Variants in PLXNB2 observed in about 807,000 individuals in gnomAD.
PLXNB2 encodes plexin-B2.
PLXNB2 carries 85 observed loss-of-function variants against 202.6 expected under a neutral mutation model. That is an observed-to-expected ratio of 0.42 (90% CI 0.35 to 0.50). The LOEUF is 0.50. Ranked by LOEUF, PLXNB2 falls within the 20% of genes least tolerant of loss-of-function variation. The probability of loss-of-function intolerance (pLI) is 0.02; values close to 1 mark genes in which losing one functional copy is unlikely to be tolerated. For missense variants in PLXNB2, 2,063 were observed against 2,586.2 expected, an observed-to-expected ratio of 0.80 and a Z score of 4.39; for synonymous variants, 1,239 against 1,137.6, an observed-to-expected ratio of 1.09 and a Z score of -1.79.
Position 50,290,363 on chromosome 22 carries a change from G to C in PLXNB2, c.222C>G (p.Asp74Glu), listed in dbSNP as rs1413731587. ...EQQVATGPAL[D>E]NKKCTPPIEA... ...CGATGGGCGGCGTGCACTTCTTGTTGTCCAGGGCCGGGCCCGTGGCCACCT... is the reference window on the plus strand; with the variant it reads ...CGATGGGCGGCGTGCACTTCTTGTTCTCCAGGGCCGGGCCCGTGGCCACCT... The change falls in exon 3 of 37, where the codon GAC (aspartate) becomes GAG (glutamate). Residue 74 changes from aspartate (D) to glutamate (E), a missense_variant. Coordinates refer to ENST00000359337, the MANE Select transcript of PLXNB2 (RefSeq NM_012401.4). The C allele has an allele frequency of 3.7e-6, 6 of 1,612,690 alleles. No individual in the cohort carries two copies. The highest frequency in any genetic ancestry group is 5.1e-6 in the Non-Finnish European group (6 of 1,180,000).
At position 50,287,676 on chromosome 22, in the gene PLXNB2, G is replaced by A; in HGVS notation, c.1599C>T (p.Ala533=). The A allele has an allele frequency of 1.9e-6, 3 of 1,543,098 alleles. No homozygotes were observed. The highest frequency in any genetic ancestry group is 2.6e-6 in the Non-Finnish European group (3 of 1,148,692). Reference sequence around the variant, plus strand: ...CAGACCCACCACGCACCTCCCCCTGGGCCCGCCGGCTCATGTTCTGTGGCT... The same window carrying A: ...CAGACCCACCACGCACCTCCCCCTGAGCCCGCCGGCTCATGTTCTGTGGCT... ...SAQPQNMSRR[A]QGEVQLTVSP... Residue 533 remains alanine, a synonymous_variant, in exon 7 of 37, where the codon GCC becomes GCT. Coordinates refer to ENST00000359337, the MANE Select transcript of PLXNB2 (RefSeq NM_012401.4).
Position 50,288,877 on chromosome 22 carries a change from T to C in PLXNB2, c.1252-6A>G, listed in dbSNP as rs1019693430. 5.6e-6 allele frequency: 9 copies of C among 1,613,162 alleles called. No individual in the cohort carries two copies. The highest frequency in any genetic ancestry group is 3.3e-5 in the Admixed American group (2 of 59,998). ...CCATCTGGGGTGAGGTACACCTGTG[T>C]GCGCGAGGGCAGGCCGGTGAGGGTA... On this transcript the variant is annotated splice_polypyrimidine_tract_variant and splice_region_variant and intron_variant, in intron 4 of 36. Transcript: ENST00000359337. This position sits in a 1 kb window ranked among gnomAD's most constrained non-coding sequence, Gnocchi z 5.0.
rs759068611 is a variant in PLXNB2, at chr22:50,284,659, A to T, written c.2095T>A (p.Ser699Thr). ...GKNLDTVKGS[S>T]LHVGSDLLKF... ...AGCAAGTCACTGCCCACGTGCAGGGAGGAACCCTGCAGACCATGCCGTCAG... is the reference window on the plus strand; with the variant it reads ...AGCAAGTCACTGCCCACGTGCAGGGTGGAACCCTGCAGACCATGCCGTCAG... The change falls in exon 12 of 37, where the codon TCC becomes ACC. Residue 699 changes from serine to threonine, a missense_variant. Physicochemically the swap from Ser to Thr is moderately conservative, Grantham distance 58. Around this residue, in one of 2 missense-constraint regions of PLXNB2, gnomAD observed 1,303 missense variants for 1,476.8 expected, o/e 0.88. Coordinates refer to ENST00000359337, the MANE Select transcript of PLXNB2 (RefSeq NM_012401.4). The surrounding 1 kb of genome is among the most constrained non-coding windows in gnomAD (Gnocchi z 8.0). 6.8e-6 allele frequency: 11 copies of T among 1,610,778 alleles called. No homozygotes were observed. The South Asian group carries it at 1.2e-4, about 18-fold the overall frequency.
Position 50,297,947 on chromosome 22 carries a change from C to G in PLXNB2, c.-73-3169G>C, listed in dbSNP as rs761443837. ...CTCACGACATTCCCACGTCCATGTT[C>G]ACTGTGCTCCCTGGAAAGCCCCTGC... On this transcript the variant is annotated intron_variant, in intron 1 of 36. Coordinates refer to ENST00000359337, the MANE Select transcript of PLXNB2 (RefSeq NM_012401.4). The surrounding 1 kb of genome is among the most constrained non-coding windows in gnomAD (Gnocchi z 5.3). Among the ~76,000 whole-genome samples, 1 of 152,214 alleles carries G rather than the reference C, an allele frequency of 6.6e-6. No homozygotes were observed. Among genetic ancestry groups the G allele is most frequent in the African/African-American group, 2.4e-5 (1 of 41,454 alleles).
intron 2 of PLXNB2, among the ~76,000 whole-genome samples, chr22:50,293,275 C>T (rs58535577): frequency 0.018 from 2,696 of 152,280 alleles, 81 homozygotes; most frequent in African/African-American, 0.062. Context: ...GAGTCCCAGG[C>T]CTCCAGGAGA....
rs551254972 is a variant in PLXNB2 at position 50,297,673 on chromosome 22, G to A, written c.-73-2895C>T. On this transcript the variant is annotated intron_variant, in intron 1 of 36. Coordinates refer to ENST00000359337, the MANE Select transcript of PLXNB2 (RefSeq NM_012401.4). The surrounding 1 kb of genome is among the most constrained non-coding windows in gnomAD (Gnocchi z 5.3). ...GAAAAAGGAGTTTCTTCCTTAGGTGGCTGTGGTCACACCTGACGCTGCTGC... is the reference window on the plus strand; with the variant it reads ...GAAAAAGGAGTTTCTTCCTTAGGTGACTGTGGTCACACCTGACGCTGCTGC... Among the ~76,000 whole-genome samples the A allele has an allele frequency of 1.3e-5, 2 of 152,272 alleles. No individual in the cohort carries two copies. Among genetic ancestry groups the A allele is most frequent in the East Asian group, 3.9e-4 (2 of 5,182 alleles).
chr22:50,294,398 C>T (rs2067112711), intron 2 of PLXNB2, among the ~76,000 whole-genome samples: 2 of 152,128 alleles, frequency 1.3e-5, no homozygotes, highest in African/African-American at 4.8e-5. Context: ...CCACCACACC[C>T]CCAACGCTCC....
chr22:50,283,000 A>ATAC (rs1429045643), intron 17 of PLXNB2, 50 bp downstream of exon 17: 1 of 1,582,396 alleles, frequency 6.3e-7, no homozygotes, highest in South Asian at 1.2e-5. Flanking sequence ...GCCCCCCTCC[A>ATAC]TACCCAGGGC....
chr22:50,289,580 C>T lies in PLXNB2; in HGVS notation c.1005G>A (p.Arg335=). The change falls in exon 3 of 37, where the codon CGG becomes CGA. Residue 335 remains arginine (R), a synonymous_variant. Coordinates refer to ENST00000359337, the MANE Select transcript of PLXNB2 (RefSeq NM_012401.4). The surrounding 1 kb of genome is among the most constrained non-coding windows in gnomAD (Gnocchi z 8.0). Reference sequence around the variant, plus strand: ...GCTTGTAGAAGATGTCACGGGCCTCCCGGGTGCCTGTGTAACAGGCGTTGC... The same window carrying T: ...GCTTGTAGAAGATGTCACGGGCCTCTCGGGTGCCTGTGTAACAGGCGTTGC... ...ANRNACYTGT[R]EARDIFYKPF... 2 of 1,611,496 alleles carry T rather than the reference C, an allele frequency of 1.2e-6. No individual in the cohort carries two copies. Among genetic ancestry groups the T allele is most frequent in the Non-Finnish European group, 8.5e-7 (1 of 1,179,894 alleles).
chr22:50,277,094 G>A (rs1036076078), intron 33 of PLXNB2, among the ~76,000 whole-genome samples, 188 bp from the exon 34 acceptor site: 1 of 152,124 alleles, frequency 6.6e-6, no homozygotes, highest in Non-Finnish European at 1.5e-5. Flanking sequence ...ATCACCTGAG[G>A]TCAGGGGTTC....
rs1490110267 is a variant in PLXNB2, at chr22:50,281,144, G to A, written c.3708C>T (p.Ser1236=). 2 of 1,613,236 alleles carry A rather than the reference G, an allele frequency of 1.2e-6. No individual in the cohort carries two copies. Among genetic ancestry groups the A allele is most frequent in the South Asian group, 1.1e-5 (1 of 91,072 alleles). The part of the protein sequence containing the change: ...QAEREYEKIK[S]QLEGLEESVR... ...CGCTCTCCTCCAGGCCCTCCAGCTG[G>A]GACTTGATCTTCTCATACTCTCGTT... Residue 1236 remains serine, a synonymous_variant, in exon 23 of 37, where the codon TCC becomes TCT. Coordinates refer to ENST00000359337, the MANE Select transcript of PLXNB2 (RefSeq NM_012401.4).
chr22:50,283,239 G>A (rs2066149852), intron 16 of PLXNB2, 53 bp from the exon 17 acceptor site: 1 of 1,602,912 alleles, frequency 6.2e-7, no homozygotes, highest in Non-Finnish European at 8.5e-7. Flanking sequence ...GACGCCCTCG[G>A]TCCTGGGCTG....
intron 1 of PLXNB2, among the ~76,000 whole-genome samples, chr22:50,301,952 C>T (rs2067714831): frequency 6.6e-6 from 1 of 152,268 alleles, no homozygotes; most frequent in Non-Finnish European, 1.5e-5. Flanking sequence ...CGGAAAAGCC[C>T]TGCCAACAGG....
At chr22:50,283,237 C>A (rs534581662) in intron 16 of PLXNB2, 51 bp from the exon 17 acceptor site, 3 of 1,598,940 alleles carry the variant, frequency 1.9e-6, no homozygotes, top group African/African-American at 2.7e-5. Flanking sequence ...AGGACGCCCT[C>A]GGTCCTGGGC....
At chr22:50,282,118 G>A in intron 19 of PLXNB2, 37 bp from the exon 20 acceptor site, 1 of 1,605,002 alleles carries the variant, frequency 6.2e-7, no homozygotes, top group Non-Finnish European at 8.5e-7. Flanking sequence ...CCCGGGCGCA[G>A]ACCCCGCCCT....
At chr22:50,302,388 G>C (rs963081313) in intron 1 of PLXNB2, among the ~76,000 whole-genome samples, 1 of 152,186 alleles carries the variant, frequency 6.6e-6, no homozygotes, top group Non-Finnish European at 1.5e-5. Context: ...GTGTGGGGAG[G>C]TGGGTGCCCC....
intron 1 of PLXNB2, among the ~76,000 whole-genome samples, chr22:50,305,727 G>C (rs1026357120): frequency 3.3e-5 from 5 of 152,168 alleles, no homozygotes; most frequent in African/African-American, 1.2e-4. Context: ...CACAGGGTGT[G>C]TCCCTGAACT....
intron 26 of PLXNB2, 56 bp downstream of exon 26, chr22:50,279,949 G>A: frequency 3.4e-6 from 5 of 1,459,030 alleles, no homozygotes; most frequent in Non-Finnish European, 4.7e-6. Context: ...CGCAGGAGGG[G>A]ATGGCAGCAG....
intron 1 of PLXNB2, among the ~76,000 whole-genome samples, chr22:50,303,871 G>T (rs1831244110): frequency 6.6e-6 from 1 of 152,188 alleles, no homozygotes; most frequent in African/African-American, 2.4e-5. Flanking sequence ...GACTCAGCTG[G>T]CACTGGAATG....
Sources: allele counts gnomAD v4.1 joint callset (sites outside exome capture counted in the v4.1 genomes callset), GRCh38; gene constraint gnomAD v4.1.1; regional missense constraint gnomAD v4.1.1; non-coding constraint Gnocchi (gnomAD v3.1); transcripts MANE v1.5; gene names NCBI Gene and HGNC (gene_info 2026-07-23, HGNC 2026-07-21).